WAPL: variants seen among roughly 807,000 people sequenced by gnomAD.
The protein encoded by WAPL is WAPL cohesin release factor, also known as wings apart-like protein homolog.
A neutral mutation model predicts 121.0 loss-of-function variants in WAPL; 5 were observed. The ratio of observed to expected loss-of-function variants is 0.04; its 90% CI spans 0.02 to 0.09. The LOEUF is 0.09. Ranked by LOEUF, WAPL falls within the 10% of genes least tolerant of loss-of-function variation. The probability of loss-of-function intolerance (pLI) is 1.00; values close to 1 mark genes in which losing one functional copy is unlikely to be tolerated. For missense variants in WAPL, 999 were observed against 1,410.8 expected (o/e 0.71, Z 4.68); for synonymous variants, 480 against 481.5 (o/e 1.00, Z 0.04).
At chr10:86,483,816 T>TG (rs1224204523) in intron 4 of WAPL, among the ~76,000 whole-genome samples, 1 of 41,382 alleles carries the variant, frequency 2.4e-5, no homozygotes, top group African/African-American at 8.3e-5. Flanking sequence ...TTTTTTTTTT[T>TG]GGCAGTCTCA....
chr10:86,517,657 T>A lies in WAPL; in HGVS notation c.413A>T (p.Asp138Val). 6.2e-7 allele frequency: 1 copy of A among 1,614,130 alleles called. No homozygotes were observed. The highest frequency in any genetic ancestry group is 8.5e-7 in the Non-Finnish European group (1 of 1,180,010). Residue 138 changes from aspartate to valine, a missense_variant, in exon 2 of 19, where the codon GAC becomes GTC. Coordinates refer to ENST00000298767, the MANE Select transcript of WAPL (RefSeq NM_015045.5). ...GCTCTTTTCTTTCCCAAGTAAAGTG[T>A]CCTCCAAAGGGAAGCATTTATCAGA... ...VVSDKCFPLE[D>V]TLLGKEKSTN... is the part of the protein sequence containing the mutation.
intron 3 of WAPL, among the ~76,000 whole-genome samples, chr10:86,499,372 GC>G (rs540320850): frequency 2.0e-5 from 3 of 151,944 alleles, no homozygotes; most frequent in Admixed American, 6.6e-5. Context: ...ATTTAAAGTA[GC>G]CCCCCCAGCC....
At chr10:86,508,298 T>C (rs1842390232) in intron 2 of WAPL, among the ~76,000 whole-genome samples, 1 of 152,220 alleles carries the variant, frequency 6.6e-6, no homozygotes, top group Non-Finnish European at 1.5e-5. Context: ...AACACACTTT[T>C]AGCTATAAAC....
At chr10:86,496,056 G>A (rs1326229147) in intron 4 of WAPL, among the ~76,000 whole-genome samples, 1 of 152,246 alleles carries the variant, frequency 6.6e-6, no homozygotes, top group Non-Finnish European at 1.5e-5. Flanking sequence ...GGAGGTTGCA[G>A]TGAGCCAAGA....
At chr10:86,492,643 A>G (rs1842072954) in intron 4 of WAPL, among the ~76,000 whole-genome samples, 1 of 152,156 alleles carries the variant, frequency 6.6e-6, no homozygotes, top group South Asian at 2.1e-4. Context: ...AAACTTCCAG[A>G]CTTAAATTCT....
At chr10:86,499,011 T>C (rs1219962958) in intron 3 of WAPL, among the ~76,000 whole-genome samples, 1 of 152,222 alleles carries the variant, frequency 6.6e-6, no homozygotes, top group Admixed American at 6.5e-5. Flanking sequence ...TTTCCCTCAT[T>C]ATAACCACCT....
At chr10:86,489,328 A>G (rs1841992150) in intron 4 of WAPL, among the ~76,000 whole-genome samples, 1 of 152,178 alleles carries the variant, frequency 6.6e-6, no homozygotes, top group Non-Finnish European at 1.5e-5. Context: ...CAAATGCTGA[A>G]ATTTGAATGG....
chr10:86,499,669 G>C, intron 3 of WAPL, 49 bp downstream of exon 3: 3 of 1,514,630 alleles, frequency 2.0e-6, no homozygotes, highest in East Asian at 2.3e-5. Context: ...TGAAACTGCA[G>C]GTAAGGGGGA....
chr10:86,483,398 CA>C (rs937998771), intron 4 of WAPL, among the ~76,000 whole-genome samples: 3 of 147,318 alleles, frequency 2.0e-5, no homozygotes, highest in Admixed American at 6.8e-5. Context: ...CCAGCCTGGA[CA>C]ACAAGAGCAA....
rs771817428 is a variant in WAPL at position 86,499,942 on chromosome 10, T to C, written c.1301A>G (p.His434Arg). 4 of 1,614,056 alleles carry C rather than the reference T, an allele frequency of 2.5e-6. No homozygotes were observed. Among genetic ancestry groups the C allele is most frequent in the South Asian group, 2.2e-5 (2 of 91,082 alleles). Residue 434 changes from histidine (H) to arginine (R), a missense_variant, in exon 3 of 19, where the codon CAT (histidine) becomes CGT (arginine). Physicochemically the swap from His to Arg is conservative, Grantham distance 29. Transcript: ENST00000298767. ...ACCTCCTTCATCACCTCCTGTCTCA[T>C]GATCTTCAAAACCAAAAAATTCAAG... ...VKLEFFGFED[H>R]ETGGDEGGSG...
At chr10:86,444,846 T>A (rs1849562663) in intron 16 of WAPL, among the ~76,000 whole-genome samples, 1 of 127,596 alleles carries the variant, frequency 7.8e-6, no homozygotes, top group Admixed American at 9.2e-5. Context: ...TCAATAAAGC[T>A]GTAACTTTTT....
intron 3 of WAPL, among the ~76,000 whole-genome samples, chr10:86,499,455 A>G (rs1842205384): frequency 6.6e-6 from 1 of 152,204 alleles, no homozygotes; most frequent in South Asian, 2.1e-4. Context: ...ACCTGTATAT[A>G]CTATGTTTTT....
At chr10:86,484,393 G>A (rs1022768395) in intron 4 of WAPL, among the ~76,000 whole-genome samples, 3 of 152,150 alleles carry the variant, frequency 2.0e-5, no homozygotes, top group East Asian at 1.9e-4. Flanking sequence ...TACTAGGGAC[G>A]CTGAGGTGGG....
intron 15 of WAPL, 53 bp from the exon 16 acceptor site, chr10:86,446,502 C>T (rs1849622873): frequency 1.3e-6 from 2 of 1,524,178 alleles, no homozygotes; most frequent in Non-Finnish European, 1.8e-6. Context: ...AATCAATATG[C>T]ATATATGCAA....
In WAPL at chr10:86,516,308, T is replaced by A. The variant is rs1013794774; in HGVS notation, c.499+1263A>T. Among the ~76,000 whole-genome samples, 4 of 152,210 alleles carry A rather than the reference T, an allele frequency of 2.6e-5. No homozygotes were observed. In the South Asian group the frequency reaches 8.3e-4, roughly 31 times the overall value. On this transcript the variant is annotated intron_variant, in intron 2 of 18. Transcript: ENST00000298767. The stretch of plus-strand genomic sequence containing the variant: ...GGGAATGACAATAACAGCTGGCTCA[T>A]CGTCTCATCCAAGAGTGAGAAAAAG...
intron 12 of WAPL, 136 bp from the exon 13 acceptor site, chr10:86,453,967 A>G: frequency 2.7e-6 from 2 of 752,496 alleles, no homozygotes; most frequent in Non-Finnish European, 3.9e-6. Context: ...TAAAAAACTT[A>G]TTCAAGGAAT....
chr10:86,437,432 A>T lies in WAPL; in HGVS notation c.*111T>A, dbSNP rs1849351269. 2 of 1,146,538 alleles carry T rather than the reference A, an allele frequency of 1.7e-6. No homozygotes were observed. The highest frequency in any genetic ancestry group is 3.1e-5 in the African/African-American group (2 of 63,624). The allele number at this position is 1,146,538 out of a possible 1,614,324, so 71.0% of individuals were successfully genotyped here. Reference sequence around the variant, plus strand: ...GGCCTTAAAAATCCAAACACGAATGATACTGATGAATGTTCTTGGTATATC... The same window carrying T: ...GGCCTTAAAAATCCAAACACGAATGTTACTGATGAATGTTCTTGGTATATC... On this transcript the variant is annotated 3_prime_UTR_variant, in exon 19 of 19. Transcript: ENST00000298767.
At chr10:86,460,871 G>A (rs1248199749) in intron 10 of WAPL, among the ~76,000 whole-genome samples, 4 of 152,026 alleles carry the variant, frequency 2.6e-5, no homozygotes, top group Non-Finnish European at 4.4e-5. Context: ...GCACCACCAC[G>A]CCTGGCTAGT....
Position 86,517,987 on chromosome 10 carries a change from C to T in WAPL, c.83G>A (p.Arg28Gln), listed in dbSNP as rs777259982. The change falls in exon 2 of 19, where the codon CGG (arginine) becomes CAG (glutamine). Residue 28 changes from arginine to glutamine, a missense_variant. Arg to Gln is a conservative substitution (Grantham distance 43). Around this residue, in one of 7 missense-constraint regions of WAPL, gnomAD observed 30 missense variants for 56.4 expected, o/e 0.53. Transcript: ENST00000298767. ...SKFDEVFSNK[R>Q]TTLSTKWGET... is the part of the protein sequence containing the mutation. The stretch of plus-strand genomic sequence containing the variant: ...TCCCCATTTTGTGCTAAGGGTAGTC[C>T]GTTTGTTGGAAAAGACTTCATCGAA... 5 of 1,613,958 alleles carry T rather than the reference C, an allele frequency of 3.1e-6. No homozygotes were observed. Among genetic ancestry groups the T allele is most frequent in the African/African-American group, 1.3e-5 (1 of 74,896 alleles).
Sources: gnomAD v4.1 joint callset for allele counts (sites outside exome capture counted in the v4.1 genomes callset) on GRCh38, gnomAD v4.1.1 for gene constraint, gnomAD v4.1.1 regional missense constraint, MANE v1.5 for transcripts, NCBI Gene and HGNC (gene_info 2026-07-23, HGNC 2026-07-21) for gene names.